The following COL26A1 variants were observed in gnomAD, a reference collection of about 807,000 sequenced individuals.
COL26A1 encodes the protein collagen alpha-1(XXVI) chain.
Under a neutral mutation model 59.3 loss-of-function variants are expected in COL26A1, and 41 were observed. The ratio of observed to expected loss-of-function variants is 0.69; its 90% CI spans 0.54 to 0.90. The LOEUF is 0.90. Ranked by LOEUF, COL26A1 falls within the 40% of genes least tolerant of loss-of-function variation. The probability of loss-of-function intolerance (pLI) is 0.00; values close to 1 mark genes in which losing one functional copy is unlikely to be tolerated. For missense variants in COL26A1, 612 were observed against 602.3 expected (o/e 1.02, Z -0.17); for synonymous variants, 266 against 256.0 (o/e 1.04, Z -0.37).
At chr7:101,442,605 G>A (rs1258647720) in intron 2 of COL26A1, among the ~76,000 whole-genome samples, 1 of 152,192 alleles carries the variant, frequency 6.6e-6, no homozygotes, top group East Asian at 1.9e-4. Context: ...TGTGTGATGA[G>A]GCTTTGTGGT....
intron 1 of COL26A1, among the ~76,000 whole-genome samples, chr7:101,383,939 G>T (rs10251651): frequency 0.061 from 9,331 of 152,218 alleles, 655 homozygotes; most frequent in African/African-American, 0.16. Flanking sequence ...CAAAGTGCTG[G>T]GATTACTGGC....
intron 1 of COL26A1, among the ~76,000 whole-genome samples, chr7:101,418,130 G>T (rs928994260): frequency 7.2e-5 from 11 of 152,212 alleles, no homozygotes; most frequent in Admixed American, 2.6e-4. Context: ...CTCCCAAAAT[G>T]CTGGGATTAT....
In COL26A1 at chr7:101,549,231, C is replaced by G; in HGVS notation, c.993+8C>G. The G allele has an allele frequency of 6.2e-7, 1 of 1,601,592 alleles. No individual in the cohort carries two copies. The highest frequency in any genetic ancestry group is 1.7e-5 in the Admixed American group (1 of 58,922). ...GGAACACCTGGATCCCAGGTAAGGACTTTGCCATTTTAGGTAGGGTGTGGG... is the reference window on the plus strand; with the variant it reads ...GGAACACCTGGATCCCAGGTAAGGAGTTTGCCATTTTAGGTAGGGTGTGGG... On this transcript the variant is annotated splice_region_variant and intron_variant, in intron 9 of 12. Coordinates refer to ENST00000313669, the MANE Select transcript of COL26A1 (RefSeq NM_001278563.3).
intron 3 of COL26A1, among the ~76,000 whole-genome samples, chr7:101,463,514 T>G: frequency 1.3e-5 from 1 of 75,830 alleles, no homozygotes; most frequent in Non-Finnish European, 2.5e-5. Flanking sequence ...TTCCCTTCCC[T>G]TCCCCCCTCT....
At chr7:101,505,729 G>A (rs1019737322) in intron 3 of COL26A1, among the ~76,000 whole-genome samples, 2 of 152,164 alleles carry the variant, frequency 1.3e-5, no homozygotes, top group Non-Finnish European at 2.9e-5. Context: ...GATTGAGGGG[G>A]GTGGGGTCTG....
chr7:101,496,890 A>G (rs1048319510), intron 3 of COL26A1, among the ~76,000 whole-genome samples: 107 of 151,626 alleles, frequency 7.1e-4, no homozygotes, highest in Non-Finnish European at 1.4e-3. Context: ...AAAGAAAAAA[A>G]AAAAAAAGAA....
intron 5 of COL26A1, among the ~76,000 whole-genome samples, chr7:101,541,086 A>G (rs1795607284): frequency 1.3e-5 from 2 of 152,334 alleles, no homozygotes; most frequent in East Asian, 3.9e-4. Flanking sequence ...CAGGCTGTGC[A>G]GTTTGCCGCA....
At chr7:101,536,808 C>A (rs563329848) in intron 4 of COL26A1, among the ~76,000 whole-genome samples, 1 of 152,332 alleles carries the variant, frequency 6.6e-6, no homozygotes, top group East Asian at 1.9e-4. Flanking sequence ...AGAAGCCAGG[C>A]TCTTCGCTGA....
chr7:101,451,775 A>C (rs1793345952), intron 3 of COL26A1, among the ~76,000 whole-genome samples: 1 of 146,158 alleles, frequency 6.8e-6, no homozygotes, highest in Admixed American at 7.0e-5. Context: ...CACAGTCTCC[A>C]CTCACTGCAA....
chr7:101,457,566 A>G (rs1243846237), intron 3 of COL26A1, among the ~76,000 whole-genome samples: 1 of 152,166 alleles, frequency 6.6e-6, no homozygotes, highest in Non-Finnish European at 1.5e-5. Context: ...TCTACCCAGG[A>G]GTGAGCAAAG....
chr7:101,507,592 T>G (rs1794838974), intron 3 of COL26A1, among the ~76,000 whole-genome samples: 1 of 146,610 alleles, frequency 6.8e-6, no homozygotes, highest in Non-Finnish European at 1.5e-5. Flanking sequence ...TAATTTTTAG[T>G]GTTTGTAATA....
chr7:101,387,680 AAG>A (rs1221266556), intron 1 of COL26A1, among the ~76,000 whole-genome samples: 7 of 135,610 alleles, frequency 5.2e-5, no homozygotes, highest in African/African-American at 1.1e-4. Context: ...TATATATATA[AAG>A]AGAGAGATTT....
At chr7:101,490,593 C>T (rs1007537237) in intron 3 of COL26A1, among the ~76,000 whole-genome samples, 18 of 151,842 alleles carry the variant, frequency 1.2e-4, no homozygotes, top group Admixed American at 3.9e-4. Context: ...CCCACCTACT[C>T]GAGAGGCTGA....
chr7:101,368,442 G>A (rs4727490), intron 1 of COL26A1, among the ~76,000 whole-genome samples: 88,209 of 152,074 alleles, frequency 0.58, 27,162 homozygotes, highest in African/African-American at 0.8. Context: ...ATGTGGCAGT[G>A]TACAGCTGCA....
intron 3 of COL26A1, among the ~76,000 whole-genome samples, chr7:101,506,450 A>C (rs1002014404): frequency 2.0e-5 from 3 of 152,230 alleles, no homozygotes; most frequent in African/African-American, 7.2e-5. Context: ...CTCTTAGCAG[A>C]AACCAAACGG....
intron 2 of COL26A1, among the ~76,000 whole-genome samples, chr7:101,426,938 T>C (rs1021590180): frequency 3.9e-5 from 6 of 152,216 alleles, no homozygotes; most frequent in African/African-American, 1.4e-4. Context: ...AGCCGCCTTG[T>C]GTGGTACTCT....
chr7:101,479,962 T>C (rs1410539383), intron 3 of COL26A1, among the ~76,000 whole-genome samples: 2 of 152,204 alleles, frequency 1.3e-5, no homozygotes, highest in Non-Finnish European at 2.9e-5. Flanking sequence ...TTGTTAACTA[T>C]AATTTCTCTA....
At chr7:101,387,004 C>T (rs1008863238) in intron 1 of COL26A1, among the ~76,000 whole-genome samples, 1 of 152,094 alleles carries the variant, frequency 6.6e-6, no homozygotes, top group Admixed American at 6.6e-5. Context: ...GGAGCAGAGC[C>T]GGGGTAGGGT....
intron 1 of COL26A1, among the ~76,000 whole-genome samples, chr7:101,378,337 G>A (rs575102912): frequency 2.7e-4 from 41 of 152,124 alleles, no homozygotes; most frequent in Non-Finnish European, 4.3e-4. Flanking sequence ...TACTCAAACC[G>A]CCCTCACACT....
Sources: allele counts gnomAD v4.1 joint callset (sites outside exome capture counted in the v4.1 genomes callset), GRCh38; gene constraint gnomAD v4.1.1; transcripts MANE v1.5; gene names NCBI Gene and HGNC (gene_info 2026-07-23, HGNC 2026-07-21).